The following AGPAT4 variants were observed in gnomAD, a reference collection of about 807,000 sequenced individuals.
The protein encoded by AGPAT4 is 1-acylglycerol-3-phosphate O-acyltransferase 4, also known as 1-acyl-sn-glycerol-3-phosphate acyltransferase delta.
In AGPAT4, 15 loss-of-function variants were observed where a neutral mutation model predicts 48.0. That is an observed-to-expected ratio of 0.31 (90% CI 0.21 to 0.48). The LOEUF (loss-of-function observed/expected upper bound fraction) is 0.48. Ranked by LOEUF, AGPAT4 falls within the 20% of genes least tolerant of loss-of-function variation. The pLI, the probability that AGPAT4 is intolerant of heterozygous loss-of-function variation, is 0.99. For missense variants in AGPAT4, 314 were observed against 482.5 expected (o/e 0.65, Z 3.27); for synonymous variants, 178 against 198.7 (o/e 0.90, Z 0.88).
chr6:161,146,616 C>T lies in AGPAT4; in HGVS notation c.768-17G>A. On this transcript the variant is annotated splice_polypyrimidine_tract_variant and intron_variant, in intron 6 of 8. Coordinates refer to ENST00000320285, the MANE Select transcript of AGPAT4 (RefSeq NM_020133.3). The surrounding 1 kb of genome is among the most constrained non-coding windows in gnomAD (Gnocchi z 7.1). Reference sequence around the variant, plus strand: ...GGGATCCTCCTGCAAAGGCAGAGAGCAGCTAGCAGAGAGGAGGTGATGCCC... The same window carrying T: ...GGGATCCTCCTGCAAAGGCAGAGAGTAGCTAGCAGAGAGGAGGTGATGCCC... The T allele has an allele frequency of 1.9e-6, 3 of 1,613,482 alleles. No individual in the cohort carries two copies. The highest frequency in any genetic ancestry group is 2.5e-6 in the Non-Finnish European group (3 of 1,179,584).
At position 161,155,204 on chromosome 6, in the gene AGPAT4, C is replaced by A. The variant is rs1399857504; in HGVS notation, c.349-894G>T. ...CAGCCAGGCGTCCACTACATCAGTC[C>A]CCCTACACTGAGGAAGACCAGGGCT... On this transcript the variant is annotated intron_variant, in intron 3 of 8. Coordinates refer to ENST00000320285, the MANE Select transcript of AGPAT4 (RefSeq NM_020133.3). This position sits in a 1 kb window ranked among gnomAD's most constrained non-coding sequence, Gnocchi z 5.8. 6.6e-6 allele frequency among the ~76,000 whole-genome samples: 1 copy of A among 152,186 alleles called. No homozygotes were observed. Among genetic ancestry groups the A allele is most frequent in the Non-Finnish European group, 1.5e-5 (1 of 68,032 alleles).
chr6:161,170,473 GCACACA>G (rs3839450), intron 2 of AGPAT4, among the ~76,000 whole-genome samples: 3,274 of 32,610 alleles, frequency 0.1, 93 homozygotes, highest in African/African-American at 0.17. Flanking sequence ...GTGCGCGCGC[GCACACA>G]CACACACACA....
At position 161,134,159 on chromosome 6, in the gene AGPAT4, T is replaced by A. The variant is rs1056819705; in HGVS notation, c.*2381A>T. 6.6e-6 allele frequency: 1 copy of A among 152,218 alleles called. No individual in the cohort carries two copies. The highest frequency in any genetic ancestry group is 1.5e-5 in the Non-Finnish European group (1 of 68,052). The allele number at this position is 152,218 out of a possible 1,614,324, so 9.4% of individuals were successfully genotyped here. On this transcript the variant is annotated 3_prime_UTR_variant, in exon 9 of 9. Coordinates refer to ENST00000320285, the MANE Select transcript of AGPAT4 (RefSeq NM_020133.3). ...CCAGATCTCTCCCCAGCACGCCACATTCTCTTTCGGCTCTAAGGCAATTCA... is the reference window on the plus strand; with the variant it reads ...CCAGATCTCTCCCCAGCACGCCACAATCTCTTTCGGCTCTAAGGCAATTCA...
rs564005056 is a variant in AGPAT4, at chr6:161,267,393, G to A, written c.-90+6545C>T. ...ATGAAAGGCATGCAGAGGTCTACAC[G>A]GTAGAGATTTGTTCATTATTTGAAA... On this transcript the variant is annotated intron_variant, in intron 1 of 8. Coordinates refer to ENST00000320285, the MANE Select transcript of AGPAT4 (RefSeq NM_020133.3). This position sits in a 1 kb window ranked among gnomAD's most constrained non-coding sequence, Gnocchi z 5.2. 2.6e-5 allele frequency among the ~76,000 whole-genome samples: 4 copies of A among 152,200 alleles called. No individual in the cohort carries two copies. Among genetic ancestry groups the A allele is most frequent in the African/African-American group, 2.4e-5 (1 of 41,530 alleles).
In AGPAT4 at chr6:161,219,800, G is replaced by A. The variant is rs570844091; in HGVS notation, c.178+12236C>T. On this transcript the variant is annotated intron_variant, in intron 2 of 8. Coordinates refer to ENST00000320285, the MANE Select transcript of AGPAT4 (RefSeq NM_020133.3). The surrounding 1 kb of genome is among the most constrained non-coding windows in gnomAD (Gnocchi z 4.9). ...GGTCATTTCTTGTACCAGGGACACA[G>A]ATTCACAGTAAAAAAGATAGACAGA... 1.3e-5 allele frequency among the ~76,000 whole-genome samples: 2 copies of A among 150,734 alleles called. No individual in the cohort carries two copies. Among genetic ancestry groups the A allele is most frequent in the Non-Finnish European group, 2.9e-5 (2 of 67,858 alleles).
intron 2 of AGPAT4, among the ~76,000 whole-genome samples, chr6:161,207,232 T>A (rs1228220108): frequency 1.3e-5 from 2 of 152,188 alleles, no homozygotes; most frequent in Non-Finnish European, 2.9e-5. Flanking sequence ...TGCTTAAAAG[T>A]AGTAATGAAA....
rs1015270536 is a variant in AGPAT4, at chr6:161,216,517, C to A, written c.178+15519G>T. Among the ~76,000 whole-genome samples, 2 of 152,190 alleles carry A rather than the reference C, an allele frequency of 1.3e-5. No homozygotes were observed. Among genetic ancestry groups the A allele is most frequent in the Non-Finnish European group, 2.9e-5 (2 of 68,024 alleles). ...CACTGTGGAAACCAAAATGCTGGGGCAGCATCAGCCCCGACGCCCCAGGCC... is the reference window on the plus strand; with the variant it reads ...CACTGTGGAAACCAAAATGCTGGGGAAGCATCAGCCCCGACGCCCCAGGCC... On this transcript the variant is annotated intron_variant, in intron 2 of 8. Coordinates refer to ENST00000320285, the MANE Select transcript of AGPAT4 (RefSeq NM_020133.3). This position sits in a 1 kb window ranked among gnomAD's most constrained non-coding sequence, Gnocchi z 4.8.
rs1667200750 is a variant in AGPAT4, at chr6:161,177,055, C to T, written c.179-10638G>A. Among the ~76,000 whole-genome samples the T allele has an allele frequency of 6.6e-6, 1 of 152,202 alleles. No individual in the cohort carries two copies. Among genetic ancestry groups the T allele is most frequent in the African/African-American group, 2.4e-5 (1 of 41,456 alleles). On this transcript the variant is annotated intron_variant, in intron 2 of 8. Coordinates refer to ENST00000320285, the MANE Select transcript of AGPAT4 (RefSeq NM_020133.3). This position sits in a 1 kb window ranked among gnomAD's most constrained non-coding sequence, Gnocchi z 5.0. ...TCCTTTTGTGGGTAAATTGATCTTT[C>T]TCTCTGACTGCCCTTAACATTTTTT...
At position 161,255,610 on chromosome 6, in the gene AGPAT4, A is replaced by C. The variant is rs1285390722; in HGVS notation, c.-90+18328T>G. Reference sequence around the variant, plus strand: ...ACCTCAAAAACATGTTATATGAAAGAAACCCGTCACAAAACACCACATATG... The same window carrying C: ...ACCTCAAAAACATGTTATATGAAAGCAACCCGTCACAAAACACCACATATG... On this transcript the variant is annotated intron_variant, in intron 1 of 8. Transcript: ENST00000320285. This position sits in a 1 kb window ranked among gnomAD's most constrained non-coding sequence, Gnocchi z 4.7. Among the ~76,000 whole-genome samples, 1 of 152,206 alleles carries C rather than the reference A, an allele frequency of 6.6e-6. No individual in the cohort carries two copies. Among genetic ancestry groups the C allele is most frequent in the African/African-American group, 2.4e-5 (1 of 41,448 alleles).
chr6:161,136,749 T>G, intron 8 of AGPAT4, 115 bp from the exon 9 acceptor site: 2 of 823,944 alleles, frequency 2.4e-6, no homozygotes, highest in Non-Finnish European at 4.0e-6. Context: ...AGCTCAGAGC[T>G]GGCTGGCGGG....
In AGPAT4 at chr6:161,146,501, C is replaced by T; in HGVS notation, c.843+23G>A. The T allele has an allele frequency of 6.2e-6, 10 of 1,612,648 alleles. No homozygotes were observed. The highest frequency in any genetic ancestry group is 8.5e-6 in the Non-Finnish European group (10 of 1,179,516). On this transcript the variant is annotated intron_variant, in intron 7 of 8. Coordinates refer to ENST00000320285, the MANE Select transcript of AGPAT4 (RefSeq NM_020133.3). This position sits in a 1 kb window ranked among gnomAD's most constrained non-coding sequence, Gnocchi z 7.1. The stretch of plus-strand genomic sequence containing the variant: ...CACCCACAGCTGCAACGTGAAGGGA[C>T]CCCTGGCACCCAGTGCACTGACCTT...
At chr6:161,190,721 A>G (rs1780901028) in intron 2 of AGPAT4, among the ~76,000 whole-genome samples, 1 of 152,224 alleles carries the variant, frequency 6.6e-6, no homozygotes, top group Admixed American at 6.5e-5. Flanking sequence ...AAGACAAGCA[A>G]TATGCCAATA....
Position 161,198,232 on chromosome 6 carries a change from A to T in AGPAT4, c.179-31815T>A, listed in dbSNP as rs1027414716. ...TAAATAGAATAAAACCCTCTAAATT[A>T]TACTTCTTGCTTGTACGTAAATATA... On this transcript the variant is annotated intron_variant, in intron 2 of 8. Coordinates refer to ENST00000320285, the MANE Select transcript of AGPAT4 (RefSeq NM_020133.3). This position sits in a 1 kb window ranked among gnomAD's most constrained non-coding sequence, Gnocchi z 4.3. 1.3e-5 allele frequency among the ~76,000 whole-genome samples: 2 copies of T among 152,246 alleles called. No homozygotes were observed. The highest frequency in any genetic ancestry group is 2.9e-5 in the Non-Finnish European group (2 of 68,044).
Position 161,166,171 on chromosome 6 carries a change from A to G in AGPAT4, c.348+77T>C. The G allele has an allele frequency of 1.3e-6, 2 of 1,542,956 alleles. No homozygotes were observed. Among genetic ancestry groups the G allele is most frequent in the East Asian group, 2.3e-5 (1 of 42,620 alleles). ...TTGATTCTTCTGCAAGTTCTGAATG[A>G]CCAGGAGCAAAAAGACAAGTGGTGG... On this transcript the variant is annotated intron_variant, in intron 3 of 8. Coordinates refer to ENST00000320285, the MANE Select transcript of AGPAT4 (RefSeq NM_020133.3). The surrounding 1 kb of genome is among the most constrained non-coding windows in gnomAD (Gnocchi z 6.7).
chr6:161,208,971 A>T lies in AGPAT4; in HGVS notation c.178+23065T>A, dbSNP rs148085094. Among the ~76,000 whole-genome samples the T allele has an allele frequency of 6.6e-6, 1 of 152,352 alleles. No individual in the cohort carries two copies. Among genetic ancestry groups the T allele is most frequent in the Non-Finnish European group, 1.5e-5 (1 of 68,040 alleles). On this transcript the variant is annotated intron_variant, in intron 2 of 8. Transcript: ENST00000320285. This position sits in a 1 kb window ranked among gnomAD's most constrained non-coding sequence, Gnocchi z 4.6. ...AAGAGTCCCTAAAACGGCAATCATG[A>T]CCTTGTGTTAATTACTGGGGAAGAA...
chr6:161,256,650 G>A (rs1051912128), intron 1 of AGPAT4, among the ~76,000 whole-genome samples: 5 of 152,164 alleles, frequency 3.3e-5, no homozygotes, highest in Admixed American at 6.5e-5. Context: ...AGGCAGAGAC[G>A]GCGTCTGATG....
At position 161,144,192 on chromosome 6, in the gene AGPAT4, G is replaced by A. The variant is rs374367992; in HGVS notation, c.843+2332C>T. On this transcript the variant is annotated intron_variant, in intron 7 of 8. Coordinates refer to ENST00000320285, the MANE Select transcript of AGPAT4 (RefSeq NM_020133.3). This position sits in a 1 kb window ranked among gnomAD's most constrained non-coding sequence, Gnocchi z 6.6. ...CCACTTGCTGCTCAGCGATCTTCTC[G>A]GAAGGGCAAAGGGCCAGCCTCCCAG... 140 of 533,032 alleles carry A rather than the reference G, an allele frequency of 2.6e-4. No individual in the cohort carries two copies. The highest frequency in any genetic ancestry group is 1.6e-3 in the African/African-American group (84 of 51,970). The allele number at this position is 533,032 out of a possible 1,614,324, so 33.0% of individuals were successfully genotyped here. A position where few individuals can be genotyped will look rare whatever the true frequency, so the allele number is the denominator to read the frequency against.
rs1779469230 is a variant in AGPAT4, at chr6:161,147,608, G to A, written c.768-1009C>T. Among the ~76,000 whole-genome samples the A allele has an allele frequency of 6.6e-6, 1 of 152,120 alleles. No homozygotes were observed. The highest frequency in any genetic ancestry group is 1.5e-5 in the Non-Finnish European group (1 of 68,036). On this transcript the variant is annotated intron_variant, in intron 6 of 8. Transcript: ENST00000320285. This position sits in a 1 kb window ranked among gnomAD's most constrained non-coding sequence, Gnocchi z 4.8. ...CCTTTTCAAGGCAGTATTGTACAGA[G>A]GTAAGTTTTTCACATAATTAGAACT...
intron 3 of AGPAT4, among the ~76,000 whole-genome samples, chr6:161,157,054 T>A (rs1779786793): frequency 6.6e-6 from 1 of 151,932 alleles, no homozygotes; most frequent in African/African-American, 2.4e-5. Flanking sequence ...GTGAGACCCC[T>A]GATTTCCCAC....
Sources: allele counts gnomAD v4.1 joint callset (sites outside exome capture counted in the v4.1 genomes callset), GRCh38; gene constraint gnomAD v4.1.1; non-coding constraint Gnocchi (gnomAD v3.1); transcripts MANE v1.5; gene names NCBI Gene and HGNC (gene_info 2026-07-23, HGNC 2026-07-21).